Variants in AATK observed in about 807,000 individuals in gnomAD.
The protein encoded by AATK is lemur tail kinase 1, also known as serine/threonine-protein kinase LMTK1.
Under a neutral mutation model 114.3 loss-of-function variants are expected in AATK, and 91 were observed. The ratio of observed to expected loss-of-function variants is 0.80; its 90% CI spans 0.67 to 0.95. AATK has a LOEUF of 0.95. AATK is among the 40% of genes least tolerant of loss of function. AATK has a pLI of 0.00. For missense variants in AATK, 2,176 were observed against 1,965.2 expected, an observed-to-expected ratio of 1.11 and a Z score of -2.03; for synonymous variants, 1,075 against 916.5, an observed-to-expected ratio of 1.17 and a Z score of -3.12.
chr17:81,160,889 C>T (rs900518875), intron 1 of AATK, among the ~76,000 whole-genome samples: 7 of 152,192 alleles, frequency 4.6e-5, no homozygotes, highest in Non-Finnish European at 8.8e-5. Flanking sequence ...GAGGAGACAC[C>T]GAGGTGCTCC....
chr17:81,138,556 GCA>G (rs201409472), intron 1 of AATK, among the ~76,000 whole-genome samples: 1,397 of 138,210 alleles, frequency 0.01, 61 homozygotes, highest in East Asian at 0.085. Flanking sequence ...GCACACACGT[GCA>G]CACATACCCC....
chr17:81,123,060 G>T, intron 10 of AATK, 134 bp downstream of exon 10: 2 of 1,087,324 alleles, frequency 1.8e-6, no homozygotes, highest in South Asian at 2.1e-5. Context: ...GGTGGCGGGT[G>T]GAGGCCCTAC....
At chr17:81,148,261 T>A (rs1295887967) in intron 1 of AATK, among the ~76,000 whole-genome samples, 5 of 152,170 alleles carry the variant, frequency 3.3e-5, no homozygotes, top group African/African-American at 1.2e-4. Context: ...CCTGATCCCA[T>A]CACTGCTGCC....
At chr17:81,138,643 CCACACATA>C (rs745769750) in intron 1 of AATK, among the ~76,000 whole-genome samples, 28 of 98,994 alleles carry the variant, frequency 2.8e-4, no homozygotes, top group Middle Eastern at 6.0e-3. Flanking sequence ...ATCCACACAT[CCACACATA>C]CCCACACACA....
intron 1 of AATK, among the ~76,000 whole-genome samples, chr17:81,140,770 TGTGGGGCG>T (rs1360460848): frequency 7.7e-5 from 3 of 39,214 alleles, no homozygotes; most frequent in African/African-American, 3.7e-4. Flanking sequence ...GCCGTGGGGC[TGTGGGGCG>T]GTGAGACCGT....
Position 81,126,809 on chromosome 17 carries a change from T to C in AATK, c.622-249A>G. On this transcript the variant is annotated intron_variant, in intron 6 of 13. Transcript: ENST00000326724. This position sits in a 1 kb window ranked among gnomAD's most constrained non-coding sequence, Gnocchi z 5.1. ...CTCAGCCAGCCCCGGGCAGCAGGAG[T>C]CCCTTGGCCTGTGGTAGAGAGAGAA... 7.4e-7 allele frequency: 1 copy of C among 1,344,864 alleles called. No individual in the cohort carries two copies. Among genetic ancestry groups the C allele is most frequent in the Non-Finnish European group, 9.5e-7 (1 of 1,047,620 alleles). 83.3% of individuals were successfully genotyped at this position (1,344,864 alleles called of 1,614,324 possible). A position where few individuals can be genotyped will look rare whatever the true frequency, so the allele number is the denominator to read the frequency against.
Position 81,134,383 on chromosome 17 carries a change from G to A in AATK, c.174C>T (p.Gly58=), listed in dbSNP as rs202067944. ...CAGGCCTCACCTTGAACCCGATACC[G>A]CCCTTCTTACAGCACAGGCAGGCCA... ...LMLACLCCKK[G]GIGFKEFENA... is the part of the protein sequence containing the mutation. Residue 58 remains glycine, a synonymous_variant, in exon 2 of 14, where the codon GGC becomes GGT. Coordinates refer to ENST00000326724, the MANE Select transcript of AATK (RefSeq NM_001080395.3). 8.5e-5 allele frequency: 137 copies of A among 1,613,166 alleles called. No homozygotes were observed. In the African/African-American group the frequency reaches 1.2e-3, roughly 15 times the overall value.
chr17:81,163,825 G>A (rs866823615), intron 1 of AATK, among the ~76,000 whole-genome samples: 44 of 152,242 alleles, frequency 2.9e-4, no homozygotes, highest in Admixed American at 8.5e-4. Context: ...CAGTTCCTGC[G>A]ATGAACAAGG....
At chr17:81,137,058 G>A (rs145014937) in intron 1 of AATK, among the ~76,000 whole-genome samples, 5,333 of 152,160 alleles carry the variant, frequency 0.035, 147 homozygotes, top group South Asian at 0.11. Context: ...AGGAGTTCGA[G>A]ACCAGCCTGG....
In AATK at chr17:81,125,355, C is replaced by A. The variant is rs761130359; in HGVS notation, c.756-341G>T. The A allele has an allele frequency of 3.1e-6, 2 of 655,598 alleles. 1 individual carries two copies. Among genetic ancestry groups the A allele is most frequent in the South Asian group, 2.8e-5 (2 of 71,578 alleles). The allele number at this position is 655,598 out of a possible 1,614,324, so 40.6% of individuals were successfully genotyped here. A position where few individuals can be genotyped will look rare whatever the true frequency, so the allele number is the denominator to read the frequency against. The stretch of plus-strand genomic sequence containing the variant: ...GGTCCACGCTTCTCCAGGACCCTCT[C>A]CTCCTAGCTCTACTACACTATCACT... On this transcript the variant is annotated intron_variant, in intron 7 of 13. Transcript: ENST00000326724.
intron 9 of AATK, among the ~76,000 whole-genome samples, 195 bp downstream of exon 9, chr17:81,124,532 T>A (rs1202082898): frequency 6.6e-6 from 1 of 152,204 alleles, no homozygotes; most frequent in Non-Finnish European, 1.5e-5. Flanking sequence ...ATGGGGTCCC[T>A]GGGGCACCCT....
At chr17:81,134,660 G>A (rs908523797) in intron 1 of AATK, among the ~76,000 whole-genome samples, 159 bp from the exon 2 acceptor site, 18 of 152,190 alleles carry the variant, frequency 1.2e-4, no homozygotes, top group African/African-American at 2.4e-4. Flanking sequence ...ACAGTGTGGC[G>A]AGGAGGTGGC....
intron 1 of AATK, among the ~76,000 whole-genome samples, chr17:81,137,481 G>A (rs1428763736): frequency 1.3e-5 from 2 of 152,010 alleles, no homozygotes; most frequent in East Asian, 1.9e-4. Context: ...ACCCACAGCC[G>A]AGTGCACCCA....
rs559674897 is a variant in AATK at position 81,118,548 on chromosome 17, C to T, written c.4085-106G>A. The T allele has an allele frequency of 6.8e-6, 8 of 1,182,776 alleles. No homozygotes were observed. The Admixed American group carries it at 1.0e-4, about 15-fold the overall frequency. 73.3% of individuals were successfully genotyped at this position (1,182,776 alleles called of 1,614,324 possible). A position where few individuals can be genotyped will look rare whatever the true frequency, so the allele number is the denominator to read the frequency against. On this transcript the variant is annotated intron_variant, in intron 13 of 13. Transcript: ENST00000326724. ...TCCCTGGCCCACATACAGGCCGGGC[C>T]CCTTCCCTGCAGCAGATCTGGCTGT...
At chr17:81,134,221 C>T (rs1001424638) in intron 2 of AATK, 147 bp downstream of exon 2, 6 of 1,059,570 alleles carry the variant, frequency 5.7e-6, no homozygotes, top group East Asian at 2.6e-5. Context: ...CCAGGGTCCA[C>T]GTGGTCCCCA....
rs1401046488 is a variant in AATK at position 81,119,568 on chromosome 17, G to A, written c.3896C>T (p.Ala1299Val). The A allele has an allele frequency of 1.9e-6, 3 of 1,574,176 alleles. No individual in the cohort carries two copies. Among genetic ancestry groups the A allele is most frequent in the East Asian group, 2.4e-5 (1 of 41,686 alleles). The change falls in exon 13 of 14, where the codon GCG (alanine) becomes GTG (valine). Residue 1299 changes from alanine to valine, a missense_variant. By Grantham distance (64) the Ala-to-Val change is moderately conservative (BLOSUM62 0). Coordinates refer to ENST00000326724, the MANE Select transcript of AATK (RefSeq NM_001080395.3). ...CATCAGCGGGAAGTCGTCGTCCCACGCGAACCCACCACCTGCAGCCCAGGT... is the reference window on the plus strand; with the variant it reads ...CATCAGCGGGAAGTCGTCGTCCCACACGAACCCACCACCTGCAGCCCAGGT... Reference protein sequence around the residue: ...GSTAEEGGGFAWDDDFPLMTA... With the variant: ...GSTAEEGGGFVWDDDFPLMTA...
chr17:81,130,975 A>C, intron 3 of AATK, 86 bp downstream of exon 3: 1 of 1,464,202 alleles, frequency 6.8e-7, no homozygotes, highest in East Asian at 2.5e-5. Context: ...TCCAGAGCTG[A>C]GTCTTCCGGT....
At chr17:81,161,591 A>G (rs1475816734) in intron 1 of AATK, among the ~76,000 whole-genome samples, 2 of 152,162 alleles carry the variant, frequency 1.3e-5, no homozygotes, top group African/African-American at 4.8e-5. Context: ...GAGGACGTGA[A>G]CAGTCACCAG....
chr17:81,156,682 C>T (rs1162225173), intron 1 of AATK, among the ~76,000 whole-genome samples: 1 of 152,272 alleles, frequency 6.6e-6, no homozygotes. Flanking sequence ...CAGGTGTGAG[C>T]CACCGCGCCC....
Sources: gnomAD v4.1 joint callset for allele counts (sites outside exome capture counted in the v4.1 genomes callset) on GRCh38, gnomAD v4.1.1 for gene constraint, Gnocchi (gnomAD v3.1) non-coding constraint, MANE v1.5 for transcripts, NCBI Gene and HGNC (gene_info 2026-07-23, HGNC 2026-07-21) for gene names.